Variants in PCDHA5 observed in about 807,000 individuals in gnomAD.
PCDHA5 encodes the protein protocadherin alpha-5.
A neutral mutation model predicts 61.6 loss-of-function variants in PCDHA5; 43 were observed. The observed-to-expected ratio is 0.70, with a 90% CI of 0.55 to 0.90. The LOEUF is 0.90. Ranked by LOEUF, PCDHA5 falls within the 40% of genes least tolerant of loss-of-function variation. The pLI is 0.00. For missense variants in PCDHA5, 1,298 were observed against 1,222.7 expected (o/e 1.06, Z -0.92); for synonymous variants, 627 against 543.9 (o/e 1.15, Z -2.13).
chr5:140,900,227 G>C (rs1425549345), intron 1 of PCDHA5, among the ~76,000 whole-genome samples: 1 of 152,038 alleles, frequency 6.6e-6, no homozygotes, highest in Admixed American at 6.6e-5. Flanking sequence ...CAAATGACTG[G>C]ATCTTGTTTT....
chr5:140,841,547 G>T, intron 1 of PCDHA5: 1 of 1,613,802 alleles, frequency 6.2e-7, no homozygotes, highest in Non-Finnish European at 8.5e-7. Context: ...GGACCTTCTG[G>T]AGGTAAGTCT....
chr5:140,976,691 C>T (rs1219355793), intron 1 of PCDHA5, among the ~76,000 whole-genome samples: 1 of 152,126 alleles, frequency 6.6e-6, no homozygotes, highest in Non-Finnish European at 1.5e-5. Context: ...AATTTAAGTA[C>T]AATAATGTTG....
chr5:140,834,630 A>G (rs2150223003), intron 1 of PCDHA5: 2 of 1,614,158 alleles, frequency 1.2e-6, no homozygotes, highest in Non-Finnish European at 8.5e-7. Context: ...GCAGAATGGC[A>G]TTTTGTTTGT....
chr5:140,834,264 C>G lies in PCDHA5; in HGVS notation c.2352+10137C>G. ...TCGCACTGGAAAGACGCTCCACTCT[C>G]TTTCACTCTTTGGATGCACAACAAT... On this transcript the variant is annotated intron_variant, in intron 1 of 3. Transcript: ENST00000529859. The G allele has an allele frequency of 6.9e-6, 7 of 1,010,524 alleles. No individual in the cohort carries two copies. In the South Asian group the frequency reaches 9.7e-5, roughly 14 times the overall value. The allele number at this position is 1,010,524 out of a possible 1,614,324, so 62.6% of individuals were successfully genotyped here. A position where few individuals can be genotyped will look rare whatever the true frequency, so the allele number is the denominator to read the frequency against.
At position 140,997,702 on chromosome 5, in the gene PCDHA5, T is replaced by A. The variant is rs548432387; in HGVS notation, c.2501-11925T>A. Reference sequence around the variant, plus strand: ...TGTGTGTGTGTGTGTGTGTGTATGTTAACAAACACCTTTCTACGTCAGTAC... The same window carrying A: ...TGTGTGTGTGTGTGTGTGTGTATGTAAACAAACACCTTTCTACGTCAGTAC... On this transcript the variant is annotated intron_variant, in intron 3 of 3. Coordinates refer to ENST00000529859, the MANE Select transcript of PCDHA5 (RefSeq NM_018908.3). 1.4e-3 allele frequency among the ~76,000 whole-genome samples: 209 copies of A among 150,856 alleles called. 1 individual carries two copies. The highest frequency in any genetic ancestry group is 4.8e-3 in the African/African-American group (199 of 41,058).
chr5:140,863,086 A>T, intron 1 of PCDHA5: 3 of 573,948 alleles, frequency 5.2e-6, no homozygotes, highest in South Asian at 4.1e-5. Flanking sequence ...GGGCGAGATC[A>T]GCACGACGAG....
intron 2 of PCDHA5, among the ~76,000 whole-genome samples, chr5:140,980,357 C>T (rs191882864): frequency 1.6e-3 from 239 of 152,238 alleles, no homozygotes; most frequent in Middle Eastern, 6.8e-3. Flanking sequence ...CTGGACTGGG[C>T]GCGGTGGCTC....
At chr5:140,912,170 T>C (rs961907962) in intron 1 of PCDHA5, among the ~76,000 whole-genome samples, 6 of 152,202 alleles carry the variant, frequency 3.9e-5, no homozygotes, top group African/African-American at 9.7e-5. Flanking sequence ...CTGGCTGTGC[T>C]GGCAGCTGAT....
intron 1 of PCDHA5, among the ~76,000 whole-genome samples, chr5:140,881,750 C>T (rs1161973911): frequency 6.6e-6 from 1 of 152,092 alleles, no homozygotes; most frequent in Non-Finnish European, 1.5e-5. Flanking sequence ...AGGACAGTAC[C>T]ACAAAAACCT....
chr5:140,834,926 C>T (rs2150229096), intron 1 of PCDHA5: 1 of 1,582,826 alleles, frequency 6.3e-7, no homozygotes, highest in African/African-American at 1.4e-5. Context: ...TCTTCCTGGA[C>T]GTGCCAACCA....
chr5:140,895,720 C>A (rs1473250558), intron 1 of PCDHA5, among the ~76,000 whole-genome samples: 2 of 152,136 alleles, frequency 1.3e-5, no homozygotes, highest in African/African-American at 4.8e-5. Flanking sequence ...ATGGCCTGCA[C>A]CTCCATTCAA....
intron 1 of PCDHA5, chr5:140,869,166 C>A: frequency 6.2e-7 from 1 of 1,613,866 alleles, no homozygotes; most frequent in South Asian, 1.1e-5. Context: ...TTCTCCTCCT[C>A]GAATTCTGGG....
intron 1 of PCDHA5, chr5:140,835,455 C>T: frequency 2.5e-6 from 4 of 1,613,900 alleles, no homozygotes; most frequent in Non-Finnish European, 3.4e-6. Context: ...CCTGTCTCTC[C>T]CTATTCCAGA....
At chr5:140,853,282 C>T in intron 1 of PCDHA5, 5 of 980,348 alleles carry the variant, frequency 5.1e-6, no homozygotes, top group Non-Finnish European at 6.1e-6. Flanking sequence ...TCATCATATG[C>T]AAATTCTCAG....
intron 1 of PCDHA5, chr5:140,967,164 C>G (rs762120187): frequency 8.7e-6 from 14 of 1,611,226 alleles, no homozygotes; most frequent in Non-Finnish European, 1.2e-5. Flanking sequence ...GCGGTGAGCG[C>G]CGTTGAGGTG....
intron 1 of PCDHA5, chr5:140,927,568 A>G: frequency 1.9e-6 from 3 of 1,614,174 alleles, no homozygotes; most frequent in Non-Finnish European, 2.5e-6. Context: ...TGTGGTGGAC[A>G]CAAATGACAA....
In PCDHA5 at chr5:140,928,822, C is replaced by G. The variant is rs782187448; in HGVS notation, c.2353-50127C>G. ...GGTAGTGGTTCGGGACCATGGAGAC[C>G]CACCACTTTCCTCCTCTGTCACTCT... On this transcript the variant is annotated intron_variant, in intron 1 of 3. Coordinates refer to ENST00000529859, the MANE Select transcript of PCDHA5 (RefSeq NM_018908.3). 6 of 1,614,116 alleles carry G rather than the reference C, an allele frequency of 3.7e-6. No individual in the cohort carries two copies. The South Asian group carries it at 6.6e-5, about 18-fold the overall frequency.
chr5:140,857,727 AC>A, intron 1 of PCDHA5: 1 of 1,597,294 alleles, frequency 6.3e-7, no homozygotes, highest in Non-Finnish European at 8.6e-7. Context: ...GAGAACGACA[AC>A]GCTCCCGCGC....
At chr5:140,856,365 A>G in intron 1 of PCDHA5, 1 of 1,598,426 alleles carries the variant, frequency 6.3e-7, no homozygotes, top group Non-Finnish European at 8.6e-7. Flanking sequence ...ATCCACCTGG[A>G]GGTGATCGTG....
Sources: gnomAD v4.1 joint callset for allele counts (sites outside exome capture counted in the v4.1 genomes callset) on GRCh38, gnomAD v4.1.1 for gene constraint, MANE v1.5 for transcripts, NCBI Gene and HGNC (gene_info 2026-07-23, HGNC 2026-07-21) for gene names.